The following TMPRSS15 variants were observed in gnomAD, a reference collection of about 807,000 sequenced individuals.
The protein encoded by TMPRSS15 is enteropeptidase.
TMPRSS15 carries 128 observed loss-of-function variants against 125.3 expected under a neutral mutation model. The observed-to-expected ratio is 1.02, with a 90% CI of 0.89 to 1.18. The LOEUF is 1.18. Among genes scored for constraint, TMPRSS15 ranks in the 50% most tolerant of loss-of-function variants. The pLI is 0.00. For missense variants in TMPRSS15, 1,283 were observed against 1,212.7 expected, an observed-to-expected ratio of 1.06 and a Z score of -0.86; for synonymous variants, 446 against 423.2, an observed-to-expected ratio of 1.05 and a Z score of -0.66.
intron 13 of TMPRSS15, among the ~76,000 whole-genome samples, chr21:18,336,011 G>C (rs2075388362): frequency 6.6e-6 from 1 of 151,716 alleles, no homozygotes; most frequent in South Asian, 2.1e-4. Context: ...TATGCCAATA[G>C]GGATTTCCAC....
chr21:18,313,947 C>T (rs1346107326), intron 17 of TMPRSS15, among the ~76,000 whole-genome samples: 1 of 150,436 alleles, frequency 6.6e-6, no homozygotes, highest in African/African-American at 2.4e-5. Flanking sequence ...CATTTGATTT[C>T]TATCAACTTA....
rs1741970274 is a variant in TMPRSS15 at position 18,279,654 on chromosome 21, T to TA, written c.2669-596dup. Among the ~76,000 whole-genome samples the TA allele has an allele frequency of 4.6e-5, 7 of 151,908 alleles. No homozygotes were observed. In the South Asian group the frequency reaches 1.5e-3, roughly 32 times the overall value. On this transcript the variant is annotated intron_variant, in intron 22 of 24. Transcript: ENST00000284885. The stretch of plus-strand genomic sequence containing the variant: ...CGGCCCTCATTTCTCTTTTATAGTG[T>TA]AAAAAATGTCTTAGTTCTGGAGGTA...
upstream of TMPRSS15, among the ~76,000 whole-genome samples, chr21:18,405,137 G>T (rs866561412): frequency 1.3e-5 from 2 of 151,956 alleles, no homozygotes; most frequent in Non-Finnish European, 1.5e-5. Flanking sequence ...ATCATATAGC[G>T]CTTTAAGTTA....
intron 6 of TMPRSS15, among the ~76,000 whole-genome samples, chr21:18,369,457 G>A (rs1006328177): frequency 5.3e-5 from 8 of 152,116 alleles, no homozygotes; most frequent in African/African-American, 1.9e-4. Flanking sequence ...CTTTCCTGCT[G>A]ATGTAATTCT....
intron 18 of TMPRSS15, among the ~76,000 whole-genome samples, chr21:18,309,736 C>T (rs1343258788): frequency 6.6e-6 from 1 of 152,150 alleles, no homozygotes; most frequent in East Asian, 1.9e-4. Flanking sequence ...GAGATACCAT[C>T]TCACGCCAGT....
At chr21:18,367,164 A>C (rs180692172) in intron 6 of TMPRSS15, among the ~76,000 whole-genome samples, 81 of 152,270 alleles carry the variant, frequency 5.3e-4, no homozygotes, top group African/African-American at 1.9e-3. Flanking sequence ...GAAGAAAAAA[A>C]GAACGAAAAT....
At chr21:18,407,448 C>CTTTTTTTTTTTTTTTTTTTTTT (rs201740388), upstream of TMPRSS15, among the ~76,000 whole-genome samples, 5 of 133,194 alleles carry the variant, frequency 3.8e-5, no homozygotes, top group African/African-American at 5.7e-5. Flanking sequence ...TTTTTCTTTT[C>CTTTTTTTTTTTTTTTTTTTTTT]TTTTTTTTTT....
chr21:18,394,097 A>T (rs1157335436), intron 3 of TMPRSS15, among the ~76,000 whole-genome samples: 1 of 152,126 alleles, frequency 6.6e-6, no homozygotes, highest in Non-Finnish European at 1.5e-5. Context: ...GTATCTCTTT[A>T]ATATATGTTT....
At chr21:18,412,895 A>G (rs1329139499) in intron 1 of TMPRSS15, among the ~76,000 whole-genome samples, 1 of 152,190 alleles carries the variant, frequency 6.6e-6, no homozygotes, top group African/African-American at 2.4e-5. Flanking sequence ...ACGGCATAAT[A>G]ACATGTTCAG....
At chr21:18,363,819 A>G (rs1428781744) in intron 7 of TMPRSS15, among the ~76,000 whole-genome samples, 2 of 152,254 alleles carry the variant, frequency 1.3e-5, no homozygotes, top group Non-Finnish European at 2.9e-5. Context: ...TAATTTTTCA[A>G]TTGGCAAGAA....
chr21:18,374,260 T>C (rs1057259652), intron 5 of TMPRSS15, among the ~76,000 whole-genome samples: 1 of 149,728 alleles, frequency 6.7e-6, no homozygotes, highest in South Asian at 2.1e-4. Context: ...GATCATGAGG[T>C]CAGGAGATCG....
intron 6 of TMPRSS15, among the ~76,000 whole-genome samples, chr21:18,368,683 G>A (rs2075762805): frequency 6.6e-6 from 1 of 152,114 alleles, no homozygotes; most frequent in Admixed American, 6.6e-5. Context: ...CAATTTTCCT[G>A]TCCAGTATTC....
intron 8 of TMPRSS15, among the ~76,000 whole-genome samples, chr21:18,357,204 A>C (rs2075633598): frequency 6.6e-6 from 1 of 151,858 alleles, no homozygotes; most frequent in Non-Finnish European, 1.5e-5. Flanking sequence ...CAACCATTGA[A>C]TTCAATATTA....
At chr21:18,300,397 A>C (rs2074958611) in intron 18 of TMPRSS15, among the ~76,000 whole-genome samples, 1 of 144,424 alleles carries the variant, frequency 6.9e-6, no homozygotes, top group African/African-American at 2.6e-5. Flanking sequence ...GCTGGAGTGC[A>C]GTGGCTCAAT....
chr21:18,365,649 C>CCCTCCCTT (rs1555904784), intron 6 of TMPRSS15, among the ~76,000 whole-genome samples: 44 of 65,860 alleles, frequency 6.7e-4, no homozygotes, highest in South Asian at 1.4e-3. Context: ...TCTTTTTCCT[C>CCCTCCCTT]CCTTCCTTCC....
At chr21:18,450,969 C>T (rs8134770) in intron 1 of TMPRSS15, among the ~76,000 whole-genome samples, 8 of 151,996 alleles carry the variant, frequency 5.3e-5, no homozygotes, top group Admixed American at 2.0e-4. Context: ...ATTAAAAATT[C>T]GCTGATTATT....
At chr21:18,364,813 G>A (rs968277529) in intron 7 of TMPRSS15, among the ~76,000 whole-genome samples, 4 of 152,208 alleles carry the variant, frequency 2.6e-5, no homozygotes, top group South Asian at 4.2e-4. Flanking sequence ...CAGAAGATGC[G>A]AAATTCTACT....
At chr21:18,345,686 A>G (rs112899297) in intron 10 of TMPRSS15, among the ~76,000 whole-genome samples, 1,220 of 120,872 alleles carry the variant, frequency 0.01, 10 homozygotes, top group Non-Finnish European at 0.016. Flanking sequence ...GCTTGCAGTG[A>G]GCCGAGGTCG....
At chr21:18,291,834 T>C (rs1338208201) in intron 21 of TMPRSS15, among the ~76,000 whole-genome samples, 3 of 152,212 alleles carry the variant, frequency 2.0e-5, no homozygotes, top group African/African-American at 7.2e-5. Flanking sequence ...ATCAGAATTC[T>C]AGTACAACTT....
Sources: allele counts gnomAD v4.1 joint callset (sites outside exome capture counted in the v4.1 genomes callset), GRCh38; gene constraint gnomAD v4.1.1; transcripts MANE v1.5; gene names NCBI Gene and HGNC (gene_info 2026-07-23, HGNC 2026-07-21).